The following CSMD1 variants were observed in gnomAD, a reference collection of about 807,000 sequenced individuals.
CSMD1 encodes the protein CUB and sushi domain-containing protein 1.
In CSMD1, 213 loss-of-function variants were observed where a neutral mutation model predicts 417.5. The ratio of observed to expected loss-of-function variants is 0.51; its 90% CI spans 0.46 to 0.57. CSMD1 has a LOEUF of 0.57. Ranked by LOEUF, CSMD1 falls within the 20% of genes least tolerant of loss-of-function variation. The probability of loss-of-function intolerance (pLI) is 0.00; values close to 1 mark genes in which losing one functional copy is unlikely to be tolerated. For synonymous variants in CSMD1, 2,862 were observed against 1,736.8 expected, an observed-to-expected ratio of 1.65 and a Z score of -16.11; for missense variants, 6,923 against 4,529.7, an observed-to-expected ratio of 1.53 and a Z score of -15.17.
At chr8:4,459,525 A>C (rs536163493) in intron 2 of CSMD1, among the ~76,000 whole-genome samples, 3 of 152,338 alleles carry the variant, frequency 2.0e-5, no homozygotes, top group Non-Finnish European at 4.4e-5. Flanking sequence ...TGTGAGGATA[A>C]GCAATTTAGA....
chr8:4,423,444 T>A (rs1797363875), intron 2 of CSMD1, among the ~76,000 whole-genome samples: 1 of 151,992 alleles, frequency 6.6e-6, no homozygotes, highest in South Asian at 2.1e-4. Flanking sequence ...AAATCTGAAA[T>A]ACATCAATCA....
intron 3 of CSMD1, among the ~76,000 whole-genome samples, chr8:4,268,956 T>C (rs933879550): frequency 2.0e-5 from 3 of 152,258 alleles, no homozygotes; most frequent in African/African-American, 7.2e-5. Context: ...CATTCTGCTG[T>C]ATCCTTTTAT....
At chr8:4,571,098 T>A (rs1415028432) in intron 2 of CSMD1, among the ~76,000 whole-genome samples, 1 of 152,192 alleles carries the variant, frequency 6.6e-6, no homozygotes, top group Non-Finnish European at 1.5e-5. Flanking sequence ...TATCAGCTCC[T>A]GGATTCACTG....
intron 1 of CSMD1, among the ~76,000 whole-genome samples, chr8:4,950,366 G>T (rs9987218): frequency 0.049 from 7,411 of 152,062 alleles, 492 homozygotes; most frequent in African/African-American, 0.15. Flanking sequence ...AGTTAAATAA[G>T]TAGAGGGTTA....
At chr8:4,822,767 T>C (rs568622754) in intron 1 of CSMD1, among the ~76,000 whole-genome samples, 1 of 152,126 alleles carries the variant, frequency 6.6e-6, no homozygotes, top group Non-Finnish European at 1.5e-5. Flanking sequence ...GTTTTTAACC[T>C]CTGGGTATGG....
chr8:4,469,125 C>A (rs1265125547), intron 2 of CSMD1, among the ~76,000 whole-genome samples: 5 of 152,134 alleles, frequency 3.3e-5, no homozygotes, highest in African/African-American at 1.2e-4. Flanking sequence ...CCCTGGAGCT[C>A]TTTTGGTAGG....
At chr8:4,897,595 C>G (rs763276595) in intron 1 of CSMD1, among the ~76,000 whole-genome samples, 1 of 152,014 alleles carries the variant, frequency 6.6e-6, no homozygotes, top group Non-Finnish European at 1.5e-5. Flanking sequence ...TTCTTAGTGA[C>G]CAATACAATT....
Position 4,556,676 on chromosome 8 carries a change from G to C in CSMD1, c.302+80666C>G, listed in dbSNP as rs143256266. ...TGATAGTGCAATGCAAACAACAAAA[G>C]TTTTTTTCCATAAGTTTAATTAGCG... is the stretch of plus-strand genomic sequence containing the variant. On this transcript the variant is annotated intron_variant, in intron 2 of 69. Coordinates refer to ENST00000635120, the MANE Select transcript of CSMD1 (RefSeq NM_033225.6). 5.3e-3 allele frequency among the ~76,000 whole-genome samples: 806 copies of C among 152,208 alleles called. 6 individuals carry two copies. The East Asian group carries it at 0.058, about 11-fold the overall frequency.
Position 3,190,167 on chromosome 8 carries a change from G to A in CSMD1, c.5195-52C>T, listed in dbSNP as rs1796326865. ...GTCTGTATCTCCATCAGCAAGCCAG[G>A]ACGTTGCGTGGAACGTGGGTTTAAG... On this transcript the variant is annotated intron_variant, in intron 33 of 69. Transcript: ENST00000635120. The A allele has an allele frequency of 3.4e-6, 5 of 1,454,912 alleles. No homozygotes were observed. The South Asian group carries it at 6.1e-5, about 18-fold the overall frequency. 90.1% of individuals were successfully genotyped at this position (1,454,912 alleles called of 1,614,324 possible).
At chr8:3,641,028 T>C (rs1257172366) in intron 7 of CSMD1, among the ~76,000 whole-genome samples, 3 of 135,946 alleles carry the variant, frequency 2.2e-5, no homozygotes, top group Non-Finnish European at 4.6e-5. Context: ...TTTTTCCTTT[T>C]TTTTTTTTTT....
intron 7 of CSMD1, among the ~76,000 whole-genome samples, chr8:3,617,577 T>C (rs186509600): frequency 6.6e-6 from 1 of 152,210 alleles, no homozygotes; most frequent in Admixed American, 6.5e-5. Context: ...CATTACAGGA[T>C]GCTAATAAAG....
rs1206217997 is a variant in CSMD1 at position 4,032,088 on chromosome 8, G to C, written c.427C>G (p.His143Asp). ...FKALYEVLPS[H>D]TCGNPGEILK... ...ATTTCTCCAGGATTTCCACAAGTGT[G>C]GCTAGGTAAAACTATTGGAAAAAGA... The change falls in exon 4 of 70, where the codon CAC (histidine) becomes GAC (aspartate). Residue 143 changes from histidine (H) to aspartate (D), a missense_variant. Physicochemically the swap from His to Asp is moderately conservative, Grantham distance 81. Transcript: ENST00000635120. 9 of 1,610,120 alleles carry C rather than the reference G, an allele frequency of 5.6e-6. No individual in the cohort carries two copies. In the East Asian group the frequency reaches 1.3e-4, roughly 24 times the overall value.
chr8:2,942,392 G>T, intron 69 of CSMD1, 80 bp downstream of exon 69: 1 of 1,196,336 alleles, frequency 8.4e-7, no homozygotes, highest in East Asian at 2.4e-5. Context: ...ATGTGCATGT[G>T]AGCACGAGAG....
At chr8:4,016,727 T>C (rs181919801) in intron 4 of CSMD1, among the ~76,000 whole-genome samples, 214 of 152,320 alleles carry the variant, frequency 1.4e-3, no homozygotes, top group Non-Finnish European at 2.2e-3. Context: ...GAAGACCCTA[T>C]AGCCAAACCA....
At chr8:4,134,066 T>C (rs1026694292) in intron 3 of CSMD1, among the ~76,000 whole-genome samples, 15 of 152,228 alleles carry the variant, frequency 9.9e-5, no homozygotes, top group African/African-American at 3.6e-4. Context: ...TAAAGATTAA[T>C]TGCTATTATT....
chr8:3,744,136 C>G (rs150880016), intron 6 of CSMD1, among the ~76,000 whole-genome samples: 1 of 152,170 alleles, frequency 6.6e-6, no homozygotes, highest in African/African-American at 2.4e-5. Flanking sequence ...ATGATTGAGA[C>G]TTGTCTCGTC....
chr8:4,737,766 G>C (rs1486072434), intron 1 of CSMD1, among the ~76,000 whole-genome samples: 4 of 152,184 alleles, frequency 2.6e-5, no homozygotes, highest in Non-Finnish European at 5.9e-5. Flanking sequence ...AAAGGCCAGA[G>C]AAGACATAGA....
chr8:4,979,211 C>T (rs1411216170), intron 1 of CSMD1, among the ~76,000 whole-genome samples: 1 of 152,086 alleles, frequency 6.6e-6, no homozygotes, highest in Non-Finnish European at 1.5e-5. Context: ...AACTGAGAGT[C>T]TAATTTTTTT....
intron 36 of CSMD1, among the ~76,000 whole-genome samples, chr8:3,182,646 G>C (rs1160036869): frequency 1.4e-5 from 1 of 72,120 alleles, no homozygotes; most frequent in Non-Finnish European, 3.4e-5. Context: ...TGTTAGTAGA[G>C]AAGGGGGACT....
Sources: gnomAD v4.1 joint callset for allele counts (sites outside exome capture counted in the v4.1 genomes callset) on GRCh38, gnomAD v4.1.1 for gene constraint, MANE v1.5 for transcripts, NCBI Gene and HGNC (gene_info 2026-07-23, HGNC 2026-07-21) for gene names.